ELP4: variants seen among roughly 807,000 people sequenced by gnomAD.
ELP4 encodes the protein elongator acetyltransferase complex subunit 4, also known as elongator complex protein 4.
In ELP4, 51 loss-of-function variants were observed where a neutral mutation model predicts 48.9. That is an observed-to-expected ratio of 1.04 (90% CI 0.83 to 1.32). The LOEUF (loss-of-function observed/expected upper bound fraction) is 1.32. Ranked by LOEUF, ELP4 falls within the 40% of genes most tolerant of loss-of-function variation. ELP4 has a pLI of 0.00. For synonymous variants in ELP4, 210 were observed against 189.2 expected (o/e 1.11, Z -0.90); for missense variants, 519 against 514.6 (o/e 1.01, Z -0.08).
chr11:31,709,227 C>T (rs1184482267), intron 9 of ELP4, among the ~76,000 whole-genome samples: 1 of 152,068 alleles, frequency 6.6e-6, no homozygotes, highest in Non-Finnish European at 1.5e-5. Flanking sequence ...TGCATACGAC[C>T]TGGTGTCAGT....
At chr11:31,674,521 AG>A (rs1289174250) in intron 9 of ELP4, among the ~76,000 whole-genome samples, 2 of 152,248 alleles carry the variant, frequency 1.3e-5, no homozygotes, top group African/African-American at 4.8e-5. Context: ...TAATTTGAAT[AG>A]AAGTCTATAG....
At chr11:31,530,700 GT>G (rs1956382063) in intron 2 of ELP4, among the ~76,000 whole-genome samples, 1 of 151,990 alleles carries the variant, frequency 6.6e-6, no homozygotes, top group South Asian at 2.1e-4. Flanking sequence ...TTCCATTTCC[GT>G]TTTATAGTCC....
intron 9 of ELP4, among the ~76,000 whole-genome samples, chr11:31,665,315 A>T (rs888256028): frequency 6.6e-6 from 1 of 152,034 alleles, no homozygotes; most frequent in Non-Finnish European, 1.5e-5. Context: ...CAAGACTTAA[A>T]CTATGCCTGT....
chr11:31,716,672 C>A lies in ELP4; in HGVS notation c.1143+66451C>A, dbSNP rs1019503319. ...ATAGATGATTTACGTAGCTGGACAA[C>A]CTTACCAATAGGATAAGCATTATAC... On this transcript the variant is annotated intron_variant, in intron 9 of 9. Transcript: ENST00000640961. 2.0e-5 allele frequency among the ~76,000 whole-genome samples: 3 copies of A among 152,128 alleles called. No individual in the cohort carries two copies. In the South Asian group the frequency reaches 6.2e-4, roughly 31 times the overall value.
At position 31,632,095 on chromosome 11, in the gene ELP4, T is replaced by C. The variant is rs145391011; in HGVS notation, c.739-122T>C. ...TTTATGTACTAATAGTACATAAAAA[T>C]TTTTAACACATCTATTGACATTGTC... On this transcript the variant is annotated intron_variant, in intron 6 of 9. Transcript: ENST00000640961. 445 of 711,070 alleles carry C rather than the reference T, an allele frequency of 6.3e-4. 4 individuals carry two copies. The African/African-American group carries it at 7.2e-3, about 11-fold the overall frequency. 44.0% of individuals were successfully genotyped at this position (711,070 alleles called of 1,614,324 possible). A position where few individuals can be genotyped will look rare whatever the true frequency, so the allele number is the denominator to read the frequency against.
chr11:31,545,104 T>C (rs1592101282), intron 3 of ELP4, among the ~76,000 whole-genome samples: 1 of 152,134 alleles, frequency 6.6e-6, no homozygotes, highest in Admixed American at 6.5e-5. Flanking sequence ...AGGATTGCAG[T>C]TCCTCACCAG....
chr11:31,653,827 A>G (rs1404034370), intron 9 of ELP4: 2 of 151,756 alleles, frequency 1.3e-5, no homozygotes, highest in Non-Finnish European at 2.9e-5. Flanking sequence ...AACTGGTTAA[A>G]CTTGCATTTC....
intron 3 of ELP4, among the ~76,000 whole-genome samples, chr11:31,593,048 A>T (rs1412808219): frequency 2.0e-5 from 3 of 152,300 alleles, no homozygotes; most frequent in Middle Eastern, 6.8e-3. Context: ...CAAATACATT[A>T]TACTAAATTT....
intron 9 of ELP4, among the ~76,000 whole-genome samples, chr11:31,753,194 A>G (rs976259457): frequency 6.6e-6 from 1 of 152,248 alleles, no homozygotes; most frequent in African/African-American, 2.4e-5. Context: ...CTGCTTACCA[A>G]AAGAGATCTG....
chr11:31,519,994 T>G, intron 1 of ELP4, 62 bp from the exon 2 acceptor site: 1 of 1,548,854 alleles, frequency 6.5e-7, no homozygotes, highest in Non-Finnish European at 8.9e-7. Flanking sequence ...AAAGCCTAAC[T>G]TTTATGCTAA....
intron 9 of ELP4, among the ~76,000 whole-genome samples, chr11:31,737,706 A>T (rs1325459544): frequency 6.6e-6 from 1 of 152,172 alleles, no homozygotes; most frequent in African/African-American, 2.4e-5. Flanking sequence ...GAAGACATAC[A>T]AATGGCCAAA....
chr11:31,565,525 T>C (rs1171561221), intron 3 of ELP4, among the ~76,000 whole-genome samples: 1 of 147,988 alleles, frequency 6.8e-6, no homozygotes, highest in Non-Finnish European at 1.5e-5. Context: ...TTTAAGTCTT[T>C]AATCCATCTT....
intron 2 of ELP4, among the ~76,000 whole-genome samples, chr11:31,532,859 C>T (rs2133895431): frequency 6.9e-6 from 1 of 145,200 alleles, no homozygotes; most frequent in African/African-American, 2.6e-5. Flanking sequence ...GTAACCTCTG[C>T]CTTCCGGATT....
intron 3 of ELP4, among the ~76,000 whole-genome samples, chr11:31,540,867 G>A (rs539576709): frequency 2.9e-4 from 44 of 152,232 alleles, no homozygotes; most frequent in African/African-American, 9.4e-4. Flanking sequence ...AGTTTTCTTG[G>A]AGAATGCCAC....
intron 9 of ELP4, among the ~76,000 whole-genome samples, chr11:31,670,565 T>G (rs2134105838): frequency 6.6e-6 from 1 of 152,232 alleles, no homozygotes; most frequent in African/African-American, 2.4e-5. Flanking sequence ...GACTCCTTCT[T>G]TCTGTAAGAG....
At chr11:31,730,058 G>A (rs1466989920) in intron 9 of ELP4, among the ~76,000 whole-genome samples, 1 of 152,102 alleles carries the variant, frequency 6.6e-6, no homozygotes, top group African/African-American at 2.4e-5. Context: ...CCAGAAACCA[G>A]TTAGGATACT....
At chr11:31,588,766 T>G (rs946121531) in intron 3 of ELP4, among the ~76,000 whole-genome samples, 1 of 152,116 alleles carries the variant, frequency 6.6e-6, no homozygotes, top group Non-Finnish European at 1.5e-5. Flanking sequence ...GCAGATCACT[T>G]GAGGTCAGGA....
chr11:31,613,173 G>A lies in ELP4; in HGVS notation c.653+9266G>A, dbSNP rs563687235. Reference sequence around the variant, plus strand: ...ATAAGAGATCAGGGGTGGTTACTGGGCTTTGCATCCATGATATAATGGAGT... The same window carrying A: ...ATAAGAGATCAGGGGTGGTTACTGGACTTTGCATCCATGATATAATGGAGT... On this transcript the variant is annotated intron_variant, in intron 5 of 9. Transcript: ENST00000640961. Among the ~76,000 whole-genome samples the A allele has an allele frequency of 4.6e-5, 7 of 152,248 alleles. No individual in the cohort carries two copies. In the East Asian group the frequency reaches 1.3e-3, roughly 29 times the overall value.
chr11:31,737,910 C>T (rs182833024), intron 9 of ELP4, among the ~76,000 whole-genome samples: 2 of 152,244 alleles, frequency 1.3e-5, no homozygotes, highest in East Asian at 1.9e-4. Context: ...ATAGAATTTA[C>T]ATATGATGCA....
Sources: allele counts gnomAD v4.1 joint callset (sites outside exome capture counted in the v4.1 genomes callset), GRCh38; gene constraint gnomAD v4.1.1; transcripts MANE v1.5; gene names NCBI Gene and HGNC (gene_info 2026-07-23, HGNC 2026-07-21).